The following GPR65 variants were observed in gnomAD, a reference collection of about 807,000 sequenced individuals.
GPR65 encodes the protein T-cell death-associated gene 8 protein.
A neutral mutation model predicts 0.7 loss-of-function variants in GPR65; 2 were observed. The ratio of observed to expected loss-of-function variants is 2.83; its 90% CI spans 1.16 to 8.92. GPR65 has a LOEUF of 8.92. Ranked by LOEUF, GPR65 falls within the 30% of genes most tolerant of loss-of-function variation. GPR65 has a pLI of 0.04. For missense variants in GPR65, 379 were observed against 399.4 expected, an observed-to-expected ratio of 0.95 and a Z score of 0.43; for synonymous variants, 128 against 146.5, an observed-to-expected ratio of 0.87 and a Z score of 0.91.
chr14:88,010,558 T>C lies in GPR65; in HGVS notation c.-290T>C. 3.1e-6 allele frequency: 1 copy of C among 321,384 alleles called. No homozygotes were observed. The highest frequency in any genetic ancestry group is 5.8e-6 in the Non-Finnish European group (1 of 173,420). 19.9% of individuals were successfully genotyped at this position (321,384 alleles called of 1,614,324 possible). A position where few individuals can be genotyped will look rare whatever the true frequency, so the allele number is the denominator to read the frequency against. The stretch of plus-strand genomic sequence containing the variant: ...ATGCTTGTGGGCTGTTTGTCAGCGT[T>C]CTGTGATAATGAACACATGGACTTC... On this transcript the variant is annotated 5_prime_UTR_variant, in exon 2 of 2. Coordinates refer to ENST00000267549, the MANE Select transcript of GPR65 (RefSeq NM_003608.4).
rs753065259 is a variant in GPR65, at chr14:88,011,589, A to G, written c.742A>G (p.Ile248Val). ...CFTPFHVMLL[I>V]RCILEHAVNF... Reference sequence around the variant, plus strand: ...TACTCCCTTTCATGTGATGTTGCTGATTCGCTGCATTTTAGAGCATGCTGT... The same window carrying G: ...TACTCCCTTTCATGTGATGTTGCTGGTTCGCTGCATTTTAGAGCATGCTGT... Residue 248 changes from isoleucine to valine, a missense_variant, in exon 2 of 2, where the codon ATT becomes GTT. By Grantham distance (29) the Ile-to-Val change is conservative. Transcript: ENST00000267549. The G allele has an allele frequency of 8.7e-6, 14 of 1,613,984 alleles. No individual in the cohort carries two copies. Among genetic ancestry groups the G allele is most frequent in the Admixed American group, 5.0e-5 (3 of 59,976 alleles).
rs891027148 is a variant in GPR65, at chr14:88,014,001, G to T, written c.*2140G>T. 1.3e-5 allele frequency: 2 copies of T among 152,188 alleles called. No homozygotes were observed. Among genetic ancestry groups the T allele is most frequent in the Admixed American group, 1.3e-4 (2 of 15,274 alleles). The allele number at this position is 152,188 out of a possible 1,614,324, so 9.4% of individuals were successfully genotyped here. A position where few individuals can be genotyped will look rare whatever the true frequency, so the allele number is the denominator to read the frequency against. ...CCACTAGCCGCCACTCCAGAAGAGC[G>T]GAGGAACCCAGGATAATATTTTGTC... On this transcript the variant is annotated 3_prime_UTR_variant, in exon 2 of 2. Transcript: ENST00000267549.
At position 88,011,084 on chromosome 14, in the gene GPR65, C is replaced by T; in HGVS notation, c.237C>T (p.Asn79=). 1.2e-6 allele frequency: 2 copies of T among 1,613,764 alleles called. No individual in the cohort carries two copies. The highest frequency in any genetic ancestry group is 1.7e-6 in the Non-Finnish European group (2 of 1,179,672). Reference sequence around the variant, plus strand: ...TTGATTATACCTGGAATAAAGACAACTGGACTTTCTCTCCTGCCTTGTGCA... The same window carrying T: ...TTGATTATACCTGGAATAAAGACAATTGGACTTTCTCTCCTGCCTTGTGCA... ...LWIDYTWNKD[N]WTFSPALCKG... Residue 79 remains asparagine (N), a synonymous_variant, in exon 2 of 2, where the codon AAC becomes AAT. Coordinates refer to ENST00000267549, the MANE Select transcript of GPR65 (RefSeq NM_003608.4).
intron 1 of GPR65, among the ~76,000 whole-genome samples, chr14:88,005,852 C>A (rs961610322): frequency 4.6e-5 from 7 of 152,106 alleles, no homozygotes; most frequent in Non-Finnish European, 1.0e-4. Flanking sequence ...AATAGATATA[C>A]TTTAATATAC....
intron 1 of GPR65, among the ~76,000 whole-genome samples, chr14:88,005,804 G>A (rs778514721): frequency 4.6e-5 from 7 of 152,084 alleles, no homozygotes; most frequent in Non-Finnish European, 7.4e-5. Flanking sequence ...TTTGGTCATC[G>A]TCATCAATGA....
chr14:88,011,831 A>G lies in GPR65; in HGVS notation c.984A>G (p.Lys328=), dbSNP rs762114239. ...AACGCATACTTTCTGTGTCTACAAA[A>G]GATACTATGGAATTAGAGGTCCTTG... The part of the protein sequence containing the change: ...QRKRILSVST[K]DTMELEVLE Residue 328 remains lysine (K), a synonymous_variant, in exon 2 of 2, where the codon AAA becomes AAG. Transcript: ENST00000267549. The G allele has an allele frequency of 8.2e-6, 13 of 1,579,402 alleles. No individual in the cohort carries two copies. The East Asian group carries it at 2.7e-4, about 33-fold the overall frequency.
chr14:88,008,844 C>G (rs1281417724), intron 1 of GPR65, among the ~76,000 whole-genome samples: 2 of 152,092 alleles, frequency 1.3e-5, no homozygotes, highest in Non-Finnish European at 2.9e-5. Context: ...TTGAATTCCT[C>G]TGATGACTAA....
Position 88,013,193 on chromosome 14 carries a change from C to G in GPR65, c.*1332C>G, listed in dbSNP as rs1353934081. ...TCCCAAGTAGCTGGGATTACAGGCACCCACCACCATGCCCAGCTAATTTTT... is the reference window on the plus strand; with the variant it reads ...TCCCAAGTAGCTGGGATTACAGGCAGCCACCACCATGCCCAGCTAATTTTT... On this transcript the variant is annotated 3_prime_UTR_variant, in exon 2 of 2. Coordinates refer to ENST00000267549, the MANE Select transcript of GPR65 (RefSeq NM_003608.4). The G allele has an allele frequency of 6.6e-6, 1 of 151,914 alleles. No homozygotes were observed. The highest frequency in any genetic ancestry group is 6.6e-5 in the Admixed American group (1 of 15,210). 9.4% of individuals were successfully genotyped at this position (151,914 alleles called of 1,614,324 possible).
Position 88,011,803 on chromosome 14 carries a change from G to A in GPR65, c.956G>A (p.Arg319Lys), listed in dbSNP as rs998216279. 6 of 1,601,746 alleles carry A rather than the reference G, an allele frequency of 3.7e-6. No individual in the cohort carries two copies. The highest frequency in any genetic ancestry group is 2.2e-5 in the East Asian group (1 of 44,692). The change falls in exon 2 of 2, where the codon AGA becomes AAA. Residue 319 changes from arginine to lysine, a missense_variant. Transcript: ENST00000267549. ...TGRCNTSQRQ[R>K]KRILSVSTKD... ...AGGTGTAATACATCACAAAGACAAAGAAAACGCATACTTTCTGTGTCTACA... is the reference window on the plus strand; with the variant it reads ...AGGTGTAATACATCACAAAGACAAAAAAAACGCATACTTTCTGTGTCTACA...
rs1295133890 is a variant in GPR65 at position 88,011,324 on chromosome 14, T to C, written c.477T>C (p.Tyr159=). The change falls in exon 2 of 2, where the codon TAT becomes TAC. Residue 159 remains tyrosine, a synonymous_variant. Transcript: ENST00000267549. ...GGGAAGATGAAACAGTTGTTGAATA[T>C]TGCGATGCCGAAAAGTCTAATTTTA... is the stretch of plus-strand genomic sequence containing the variant. ...MLWEDETVVE[Y]CDAEKSNFTL... is the part of the protein sequence containing the mutation. 5.6e-6 allele frequency: 9 copies of C among 1,613,930 alleles called. No individual in the cohort carries two copies. In the African/African-American group the frequency reaches 1.1e-4, roughly 19 times the overall value.
In GPR65 at chr14:88,005,136, G is replaced by A. The variant is rs1255755860; in HGVS notation, c.-546G>A. On this transcript the variant is annotated 5_prime_UTR_variant, in exon 1 of 2. Transcript: ENST00000267549. Reference sequence around the variant, plus strand: ...ATGAGTGCAATTTCCTGTCCCCTCAGCAGTGTTGGTTTCTCTTCTTGACTT... The same window carrying A: ...ATGAGTGCAATTTCCTGTCCCCTCAACAGTGTTGGTTTCTCTTCTTGACTT... 1 of 152,242 alleles carries A rather than the reference G, an allele frequency of 6.6e-6. No homozygotes were observed. Among genetic ancestry groups the A allele is most frequent in the African/African-American group, 2.4e-5 (1 of 41,416 alleles). 9.4% of individuals were successfully genotyped at this position (152,242 alleles called of 1,614,324 possible).
intron 1 of GPR65, among the ~76,000 whole-genome samples, chr14:88,008,291 C>T (rs1232825692): frequency 6.6e-6 from 1 of 152,168 alleles, no homozygotes; most frequent in Non-Finnish European, 1.5e-5. Flanking sequence ...TGCCAAATCT[C>T]AGAAGTCCTC....
At position 88,010,856 on chromosome 14, in the gene GPR65, C is replaced by T; in HGVS notation, c.9C>T (p.Ser3=). The change falls in exon 2 of 2, where the codon AGC becomes AGT. Residue 3 remains serine (S), a synonymous_variant. Transcript: ENST00000267549. ...ACCTTAAAAAGGAAAAAATGAACAGCACATGTATTGAAGAACAGCATGACC... is the reference window on the plus strand; with the variant it reads ...ACCTTAAAAAGGAAAAAATGAACAGTACATGTATTGAAGAACAGCATGACC... The part of the protein sequence containing the change: MN[S]TCIEEQHDLD... 2 of 1,609,092 alleles carry T rather than the reference C, an allele frequency of 1.2e-6. No individual in the cohort carries two copies. Among genetic ancestry groups the T allele is most frequent in the South Asian group, 1.1e-5 (1 of 90,968 alleles).
chr14:88,011,678 A>G lies in GPR65; in HGVS notation c.831A>G (p.Ala277=). 3 of 1,613,916 alleles carry G rather than the reference A, an allele frequency of 1.9e-6. No individual in the cohort carries two copies. The highest frequency in any genetic ancestry group is 1.3e-5 in the African/African-American group (1 of 75,052). The part of the protein sequence containing the change: ...RTYTMYRITV[A]LTSLNCVADP... ...ACACAATGTATAGAATCACGGTTGC[A>G]TTAACAAGTTTAAATTGTGTTGCTG... Residue 277 remains alanine, a synonymous_variant, in exon 2 of 2, where the codon GCA becomes GCG. Coordinates refer to ENST00000267549, the MANE Select transcript of GPR65 (RefSeq NM_003608.4).
At chr14:88,007,807 T>TGTGC (rs1276055666) in intron 1 of GPR65, among the ~76,000 whole-genome samples, 1 of 151,274 alleles carries the variant, frequency 6.6e-6, no homozygotes, top group Non-Finnish European at 1.5e-5. Context: ...TGTGTGTGTG[T>TGTGC]GTGTGTGTGT....
intron 1 of GPR65, among the ~76,000 whole-genome samples, chr14:88,007,786 GTGTGTA>G (rs199555733): frequency 0.091 from 10,645 of 117,484 alleles, 428 homozygotes; most frequent in East Asian, 0.12. Flanking sequence ...TATTCTCTCT[GTGTGTA>G]TGTGTGTGTG....
In GPR65 at chr14:88,011,570, C is replaced by G; in HGVS notation, c.723C>G (p.Pro241=). 6.2e-7 allele frequency: 1 copy of G among 1,613,996 alleles called. No individual in the cohort carries two copies. Among genetic ancestry groups the G allele is most frequent in the Non-Finnish European group, 8.5e-7 (1 of 1,179,920 alleles). ...TTACTTTTGTCTTATGCTTTACTCC[C>G]TTTCATGTGATGTTGCTGATTCGCT... ...ITVTFVLCFT[P]FHVMLLIRCI... is the part of the protein sequence containing the mutation. Residue 241 remains proline (P), a synonymous_variant, in exon 2 of 2, where the codon CCC becomes CCG. Coordinates refer to ENST00000267549, the MANE Select transcript of GPR65 (RefSeq NM_003608.4).
In GPR65 at chr14:88,012,780, G is replaced by A. The variant is rs1887706034; in HGVS notation, c.*919G>A. On this transcript the variant is annotated 3_prime_UTR_variant, in exon 2 of 2. Coordinates refer to ENST00000267549, the MANE Select transcript of GPR65 (RefSeq NM_003608.4). Reference sequence around the variant, plus strand: ...TTTATTGAATCCATTCCATAAACTAGGTTTTGAGTTAAGTACTGGGGCTAT... The same window carrying A: ...TTTATTGAATCCATTCCATAAACTAAGTTTTGAGTTAAGTACTGGGGCTAT... The A allele has an allele frequency of 6.6e-6, 1 of 152,084 alleles. No homozygotes were observed. Among genetic ancestry groups the A allele is most frequent in the African/African-American group, 2.4e-5 (1 of 41,406 alleles). 9.4% of individuals were successfully genotyped at this position (152,084 alleles called of 1,614,324 possible). A position where few individuals can be genotyped will look rare whatever the true frequency, so the allele number is the denominator to read the frequency against.
rs1009983492 is a variant in GPR65 at position 88,014,113 on chromosome 14, C to T, written c.*2252C>T. On this transcript the variant is annotated 3_prime_UTR_variant, in exon 2 of 2. Transcript: ENST00000267549. ...CATTTGCACTATTCATTTCTCTTCT[C>T]TCTGGAAAGCTCGGCAATCATCAGG... The T allele has an allele frequency of 3.3e-5, 5 of 152,246 alleles. No homozygotes were observed. The highest frequency in any genetic ancestry group is 1.2e-4 in the African/African-American group (5 of 41,470). The allele number at this position is 152,246 out of a possible 1,614,324, so 9.4% of individuals were successfully genotyped here.
Sources: allele counts gnomAD v4.1 joint callset (sites outside exome capture counted in the v4.1 genomes callset), GRCh38; gene constraint gnomAD v4.1.1; transcripts MANE v1.5; gene names NCBI Gene and HGNC (gene_info 2026-07-23, HGNC 2026-07-21).